Variants in FYN observed in about 807,000 individuals in gnomAD.
FYN encodes FYN proto-oncogene, Src family tyrosine kinase, also known as tyrosine-protein kinase Fyn.
In FYN, 10 loss-of-function variants were observed where a neutral mutation model predicts 70.2. That is an observed-to-expected ratio of 0.14 (90% CI 0.09 to 0.24). The LOEUF (loss-of-function observed/expected upper bound fraction) is 0.24, where lower values mean the gene tolerates loss of function less well. Ranked by LOEUF, FYN falls within the 10% of genes least tolerant of loss-of-function variation. The pLI is 1.00. For missense variants in FYN, 319 were observed against 673.1 expected, an observed-to-expected ratio of 0.47 and a Z score of 5.82; for synonymous variants, 236 against 248.6, an observed-to-expected ratio of 0.95 and a Z score of 0.48.
intron 5 of FYN, among the ~76,000 whole-genome samples, chr6:111,711,831 T>G (rs1309751874): frequency 6.6e-6 from 1 of 152,258 alleles, no homozygotes; most frequent in Non-Finnish European, 1.5e-5. Context: ...GACTTCAGGA[T>G]ATTGTCTTGT....
intron 9 of FYN, 34 bp from the exon 10 acceptor site, chr6:111,696,490 A>G (rs754555600): frequency 7.7e-5 from 114 of 1,489,986 alleles, no homozygotes; most frequent in Non-Finnish European, 9.8e-5. Flanking sequence ...GTCAAACCAA[A>G]GATCTTCTTT....
intron 1 of FYN, among the ~76,000 whole-genome samples, chr6:111,860,276 G>A (rs768781423): frequency 1.3e-5 from 2 of 152,122 alleles, no homozygotes; most frequent in South Asian, 2.1e-4. Context: ...TCCATCCATC[G>A]TTCCTTCTCG....
intron 2 of FYN, among the ~76,000 whole-genome samples, chr6:111,838,335 C>T (rs1240640091): frequency 6.6e-6 from 1 of 152,214 alleles, no homozygotes; most frequent in Non-Finnish European, 1.5e-5. Flanking sequence ...ACTGCTCCAT[C>T]TCAGGGCAGT....
intron 12 of FYN, among the ~76,000 whole-genome samples, chr6:111,682,218 T>C (rs1278160630): frequency 1.3e-5 from 2 of 152,190 alleles, no homozygotes; most frequent in African/African-American, 4.8e-5. Context: ...GTCAATACAG[T>C]GGTGTAATAA....
chr6:111,745,676 CT>C (rs1802176712), intron 3 of FYN, among the ~76,000 whole-genome samples: 2 of 152,280 alleles, frequency 1.3e-5, no homozygotes, highest in Admixed American at 1.3e-4. Flanking sequence ...AGAAACAGTG[CT>C]TAACAACAGG....
intron 2 of FYN, among the ~76,000 whole-genome samples, chr6:111,804,049 G>T (rs1180627859): frequency 6.6e-6 from 1 of 152,174 alleles, no homozygotes; most frequent in Non-Finnish European, 1.5e-5. Context: ...TGTGGATACA[G>T]CTACTAGTTT....
intron 12 of FYN, among the ~76,000 whole-genome samples, chr6:111,688,171 C>G (rs1293735349): frequency 6.6e-6 from 1 of 152,186 alleles, no homozygotes; most frequent in Non-Finnish European, 1.5e-5. Context: ...TAAAGGTAAC[C>G]AACACCAATC....
intron 13 of FYN, among the ~76,000 whole-genome samples, chr6:111,668,728 C>T (rs948777976): frequency 2.6e-5 from 4 of 152,162 alleles, no homozygotes; most frequent in African/African-American, 7.2e-5. Flanking sequence ...ACAGCATGAC[C>T]TCTGGGCATT....
intron 2 of FYN, chr6:111,844,725 CTT>C (rs749483532): frequency 3.9e-5 from 6 of 152,238 alleles, no homozygotes; most frequent in Non-Finnish European, 5.9e-5. Flanking sequence ...CGTGTTCACT[CTT>C]TTGTTAGACA....
At chr6:111,684,817 CT>C (rs1381637679) in intron 12 of FYN, among the ~76,000 whole-genome samples, 1 of 152,146 alleles carries the variant, frequency 6.6e-6, no homozygotes, top group Non-Finnish European at 1.5e-5. Context: ...ATCGAAGGGA[CT>C]TTCCTTGGAG....
intron 8 of FYN, 23 bp downstream of exon 8, chr6:111,702,862 T>C (rs746413328): frequency 1.2e-6 from 2 of 1,611,742 alleles, no homozygotes; most frequent in Non-Finnish European, 1.7e-6. Context: ...AAATGGTTAG[T>C]AGGTAGTTAG....
chr6:111,838,798 G>C (rs1018988581), intron 2 of FYN, among the ~76,000 whole-genome samples: 1 of 152,204 alleles, frequency 6.6e-6, no homozygotes, highest in African/African-American at 2.4e-5. Context: ...GGATAGGATG[G>C]TGTTATCACT....
intron 2 of FYN, among the ~76,000 whole-genome samples, chr6:111,845,663 T>C (rs1773505710): frequency 6.6e-6 from 1 of 152,210 alleles, no homozygotes; most frequent in Non-Finnish European, 1.5e-5. Context: ...CAAGTCATTC[T>C]CAGATGATGA....
intron 12 of FYN, among the ~76,000 whole-genome samples, chr6:111,691,475 C>A (rs765378743): frequency 1.9e-4 from 29 of 152,092 alleles, no homozygotes; most frequent in African/African-American, 7.0e-4. Flanking sequence ...ACCCGACTTG[C>A]AAATATTATT....
At chr6:111,707,585 G>A (rs1477166553) in intron 6 of FYN, among the ~76,000 whole-genome samples, 2 of 152,198 alleles carry the variant, frequency 1.3e-5, no homozygotes, top group African/African-American at 4.8e-5. Flanking sequence ...GGAGTGGACT[G>A]CGGGCTTAGA....
intron 9 of FYN, among the ~76,000 whole-genome samples, chr6:111,698,547 C>A (rs1799681033): frequency 1.3e-5 from 2 of 152,108 alleles, no homozygotes; most frequent in African/African-American, 4.8e-5. Flanking sequence ...ATAGAGGATT[C>A]CATAAGTATT....
At chr6:111,695,896 T>C in intron 10 of FYN, among the ~76,000 whole-genome samples, 1 of 152,196 alleles carries the variant, frequency 6.6e-6, no homozygotes, top group East Asian at 1.9e-4. Flanking sequence ...GAGACCAGTG[T>C]CTGATATTAA....
chr6:111,837,128 C>T (rs541472822), intron 2 of FYN, among the ~76,000 whole-genome samples: 5 of 152,284 alleles, frequency 3.3e-5, no homozygotes, highest in East Asian at 1.9e-4. Flanking sequence ...GTCACCATAA[C>T]GACTTCTAAA....
At chr6:111,795,699 A>G (rs1771782086) in intron 2 of FYN, among the ~76,000 whole-genome samples, 1 of 152,226 alleles carries the variant, frequency 6.6e-6, no homozygotes, top group Non-Finnish European at 1.5e-5. Flanking sequence ...AGAAAGAGAA[A>G]AGAGTACTGA....
Sources: gnomAD v4.1 joint callset for allele counts (sites outside exome capture counted in the v4.1 genomes callset) on GRCh38, gnomAD v4.1.1 for gene constraint, MANE v1.5 for transcripts, NCBI Gene and HGNC (gene_info 2026-07-23, HGNC 2026-07-21) for gene names.